Variants in SPAG16 observed in about 807,000 individuals in gnomAD.
SPAG16 encodes sperm-associated antigen 16 protein.
In SPAG16, 86 loss-of-function variants were observed where a neutral mutation model predicts 80.4. The ratio of observed to expected loss-of-function variants is 1.07; its 90% CI spans 0.90 to 1.28. The LOEUF (loss-of-function observed/expected upper bound fraction) is 1.28. SPAG16 is among the 50% of genes most tolerant of loss of function. SPAG16 has a pLI of 0.00. For synonymous variants in SPAG16, 294 were observed against 265.9 expected (o/e 1.11, Z -1.03); for missense variants, 870 against 765.3 (o/e 1.14, Z -1.61).
rs2075518133 is a variant in SPAG16, at chr2:213,862,576, C to G, written c.1162C>G (p.Leu388Val). Reference sequence around the variant, plus strand: ...GGGCCTTCCAAAATGCAATGTGCTTCTCACGGGATTTGGCCACACTGACTG... The same window carrying G: ...GGGCCTTCCAAAATGCAATGTGCTTGTCACGGGATTTGGCCACACTGACTG... ...VLGLPKCNVLLTGFGHTDWLS... is the reference protein window; with the variant it reads ...VLGLPKCNVLVTGFGHTDWLS... Residue 388 changes from leucine (L) to valine (V), a missense_variant, in exon 11 of 16, where the codon CTC becomes GTC. Leu to Val is a conservative substitution (Grantham distance 32). Transcript: ENST00000331683. The G allele has an allele frequency of 1.9e-6, 3 of 1,614,166 alleles. No homozygotes were observed. Among genetic ancestry groups the G allele is most frequent in the Non-Finnish European group, 2.5e-6 (3 of 1,180,010 alleles).
intron 11 of SPAG16, among the ~76,000 whole-genome samples, chr2:213,928,357 G>A (rs2078589959): frequency 6.6e-6 from 1 of 151,636 alleles, no homozygotes; most frequent in Non-Finnish European, 1.5e-5. Context: ...CTCCCAAAGT[G>A]CTGGGATTAC....
At chr2:213,969,882 A>C (rs2044927053) in intron 12 of SPAG16, among the ~76,000 whole-genome samples, 1 of 152,192 alleles carries the variant, frequency 6.6e-6, no homozygotes, top group Non-Finnish European at 1.5e-5. Context: ...AAAAAGGCAC[A>C]GTAGTTGTCT....
intron 10 of SPAG16, among the ~76,000 whole-genome samples, chr2:213,582,033 A>G (rs1219136519): frequency 6.6e-6 from 1 of 152,176 alleles, no homozygotes; most frequent in African/African-American, 2.4e-5. Flanking sequence ...GAATGGAGGA[A>G]GAATCTCATC....
At chr2:213,934,802 A>G (rs935968257) in intron 12 of SPAG16, among the ~76,000 whole-genome samples, 3 of 152,188 alleles carry the variant, frequency 2.0e-5, no homozygotes, top group Non-Finnish European at 4.4e-5. Context: ...TTAGAAGCCT[A>G]TTATTGAAAC....
chr2:214,227,597 T>C (rs1688358473), intron 15 of SPAG16, among the ~76,000 whole-genome samples: 1 of 151,888 alleles, frequency 6.6e-6, no homozygotes, highest in Admixed American at 6.6e-5. Context: ...TCTATAGCAG[T>C]TCTCTCTTTT....
At chr2:214,147,220 C>G (rs948544070) in intron 14 of SPAG16, among the ~76,000 whole-genome samples, 2 of 152,216 alleles carry the variant, frequency 1.3e-5, no homozygotes, top group South Asian at 2.1e-4. Context: ...TATTATCAAA[C>G]TATTGCACTT....
chr2:214,326,745 G>A (rs62196833), intron 15 of SPAG16, among the ~76,000 whole-genome samples: 3 of 151,740 alleles, frequency 2.0e-5, no homozygotes, highest in East Asian at 1.9e-4. Flanking sequence ...GGAGATCGAG[G>A]CCATCCTGGC....
chr2:213,303,513 A>T (rs2062825691), intron 3 of SPAG16, among the ~76,000 whole-genome samples: 1 of 151,788 alleles, frequency 6.6e-6, no homozygotes, highest in Non-Finnish European at 1.5e-5. Context: ...ATATTTTTGT[A>T]CCCATTAACC....
intron 12 of SPAG16, among the ~76,000 whole-genome samples, chr2:213,954,398 A>G (rs1340438652): frequency 6.6e-6 from 1 of 152,110 alleles, no homozygotes; most frequent in Non-Finnish European, 1.5e-5. Context: ...ATATAGATAT[A>G]CCACATTTGT....
rs184912445 is a variant in SPAG16 at position 214,286,136 on chromosome 2, G to A, written c.1721-124004G>A. Among the ~76,000 whole-genome samples, 139 of 152,292 alleles carry A rather than the reference G, an allele frequency of 9.1e-4. 1 individual carries two copies. The highest frequency in any genetic ancestry group is 7.0e-3 in the Admixed American group (107 of 15,296). ...TGGAACCAAAAATATTTGAACTCAA[G>A]AAGCAGAGAGTAGAATGGTGGTTGC... On this transcript the variant is annotated intron_variant, in intron 15 of 15. Coordinates refer to ENST00000331683, the MANE Select transcript of SPAG16 (RefSeq NM_024532.5).
At chr2:213,887,968 A>G (rs946481793) in intron 11 of SPAG16, among the ~76,000 whole-genome samples, 2 of 151,816 alleles carry the variant, frequency 1.3e-5, no homozygotes, top group African/African-American at 4.8e-5. Flanking sequence ...TTGCTTTTAG[A>G]AAGATAGAGT....
At chr2:213,457,504 T>A (rs1390633868) in intron 9 of SPAG16, among the ~76,000 whole-genome samples, 1 of 152,224 alleles carries the variant, frequency 6.6e-6, no homozygotes, top group African/African-American at 2.4e-5. Context: ...CGTTTGAGGT[T>A]TATAGTTTGA....
At chr2:214,242,243 A>G (rs943812393) in intron 15 of SPAG16, among the ~76,000 whole-genome samples, 1 of 152,150 alleles carries the variant, frequency 6.6e-6, no homozygotes, top group Non-Finnish European at 1.5e-5. Flanking sequence ...ACAAGACAAC[A>G]TACATGGAGT....
intron 14 of SPAG16, among the ~76,000 whole-genome samples, chr2:214,118,705 A>G (rs2054066954): frequency 6.6e-6 from 1 of 152,232 alleles, no homozygotes; most frequent in Non-Finnish European, 1.5e-5. Context: ...TCCTAGACAT[A>G]TGGCGATTAT....
rs186067043 is a variant in SPAG16 at position 213,739,544 on chromosome 2, A to T, written c.1071-122941A>T. 1.0e-3 allele frequency among the ~76,000 whole-genome samples: 157 copies of T among 152,338 alleles called. 1 individual carries two copies. The highest frequency in any genetic ancestry group is 1.7e-3 in the Admixed American group (26 of 15,296). The stretch of plus-strand genomic sequence containing the variant: ...TGGAGCATAGTTCAGCATATCATTT[A>T]TGGAAAAAATTGTTTTGACACTAAA... On this transcript the variant is annotated intron_variant, in intron 10 of 15. Coordinates refer to ENST00000331683, the MANE Select transcript of SPAG16 (RefSeq NM_024532.5).
At chr2:213,434,522 G>A (rs565235356) in intron 9 of SPAG16, among the ~76,000 whole-genome samples, 3 of 152,300 alleles carry the variant, frequency 2.0e-5, no homozygotes, top group African/African-American at 7.2e-5. Context: ...AATTAACAGA[G>A]TTAACAGACA....
intron 10 of SPAG16, among the ~76,000 whole-genome samples, chr2:213,491,033 TTTGA>T (rs1462681454): frequency 2.6e-5 from 4 of 152,314 alleles, no homozygotes; most frequent in East Asian, 3.9e-4. Flanking sequence ...ACCCCATTTG[TTTGA>T]TTATTTCCTC....
chr2:213,522,689 G>C (rs987242483), intron 10 of SPAG16, among the ~76,000 whole-genome samples: 11 of 151,974 alleles, frequency 7.2e-5, no homozygotes, highest in Admixed American at 7.2e-4. Flanking sequence ...ATGGGGGTCT[G>C]GGCAGCACAT....
chr2:214,340,375 T>C (rs1391159652), intron 15 of SPAG16, among the ~76,000 whole-genome samples: 1 of 152,232 alleles, frequency 6.6e-6, no homozygotes, highest in Non-Finnish European at 1.5e-5. Flanking sequence ...TAACACAGAA[T>C]TCCTGGAGGG....
Sources: gnomAD v4.1 joint callset for allele counts (sites outside exome capture counted in the v4.1 genomes callset) on GRCh38, gnomAD v4.1.1 for gene constraint, MANE v1.5 for transcripts, NCBI Gene and HGNC (gene_info 2026-07-23, HGNC 2026-07-21) for gene names.